Variants in TBCEL observed in about 807,000 individuals in gnomAD.
TBCEL encodes tubulin-specific chaperone cofactor E-like protein.
Under a neutral mutation model 44.2 loss-of-function variants are expected in TBCEL, and 15 were observed. The observed-to-expected ratio is 0.34, with a 90% CI of 0.23 to 0.52. The LOEUF (loss-of-function observed/expected upper bound fraction) is 0.52. TBCEL is among the 20% of genes least tolerant of loss of function. TBCEL has a pLI of 0.95. For missense variants in TBCEL, 319 were observed against 506.3 expected (o/e 0.63, Z 3.55); for synonymous variants, 171 against 185.4 (o/e 0.92, Z 0.63).
chr11:121,080,541 G>A (rs1356882798), intron 8 of TBCEL, among the ~76,000 whole-genome samples: 1 of 152,150 alleles, frequency 6.6e-6, no homozygotes, highest in Non-Finnish European at 1.5e-5. Context: ...GAAAGTCCCT[G>A]ATTCTAGACA....
intron 1 of TBCEL, among the ~76,000 whole-genome samples, chr11:121,026,325 G>T (rs1196095072): frequency 6.6e-6 from 1 of 152,160 alleles, no homozygotes; most frequent in Non-Finnish European, 1.5e-5. Context: ...ATGACTGTTG[G>T]TGAACAAAGT....
intron 1 of TBCEL, among the ~76,000 whole-genome samples, chr11:121,029,967 G>A (rs912888567): frequency 2.6e-5 from 4 of 152,162 alleles, no homozygotes; most frequent in African/African-American, 9.7e-5. Flanking sequence ...TCTTCTGCTG[G>A]AGAACAAACA....
At position 121,036,632 on chromosome 11, in the gene TBCEL, AG is replaced by A. The variant is rs1489981955; in HGVS notation, c.-18+21del. On this transcript the variant is annotated intron_variant, in intron 2 of 8. Coordinates refer to ENST00000683345, the MANE Select transcript of TBCEL (RefSeq NM_001363644.2). ...AAACAGGTACTTCAGTCTAAATAGT[AG>A]TATTGTCTTAATTTTTTTCCCCTCA... The A allele has an allele frequency of 6.6e-6, 1 of 152,178 alleles. No individual in the cohort carries two copies. The highest frequency in any genetic ancestry group is 2.4e-5 in the African/African-American group (1 of 41,438). The allele number at this position is 152,178 out of a possible 1,614,324, so 9.4% of individuals were successfully genotyped here.
At chr11:121,031,668 T>C (rs1017021622) in intron 1 of TBCEL, among the ~76,000 whole-genome samples, 4 of 144,226 alleles carry the variant, frequency 2.8e-5, no homozygotes, top group Non-Finnish European at 4.6e-5. Context: ...CTTTCTTTTT[T>C]TTTTTTTTTT....
At chr11:121,033,282 A>G (rs1188580505) in intron 1 of TBCEL, among the ~76,000 whole-genome samples, 2 of 152,226 alleles carry the variant, frequency 1.3e-5, no homozygotes, top group Non-Finnish European at 2.9e-5. Flanking sequence ...TGTGAGGATC[A>G]TATTTTCTCA....
chr11:121,085,519 T>C (rs1946200302), intron 8 of TBCEL, among the ~76,000 whole-genome samples: 1 of 152,174 alleles, frequency 6.6e-6, no homozygotes, highest in African/African-American at 2.4e-5. Context: ...ATGAGGAAAT[T>C]GAGATCCAAA....
intron 4 of TBCEL, among the ~76,000 whole-genome samples, chr11:121,050,154 G>A (rs1945504109): frequency 6.6e-6 from 1 of 151,718 alleles, no homozygotes; most frequent in Non-Finnish European, 1.5e-5. Flanking sequence ...ACAAAAGAAT[G>A]TTGATTTTTA....
At chr11:121,045,530 A>G (rs757726920) in intron 2 of TBCEL, 144 bp from the exon 3 acceptor site, 14 of 585,124 alleles carry the variant, frequency 2.4e-5, no homozygotes, top group Non-Finnish European at 3.4e-5. Flanking sequence ...TCACCACAGT[A>G]TATGTTTCTG....
In TBCEL at chr11:121,047,353, G is replaced by A. The variant is rs562818107; in HGVS notation, c.134-175G>A. Among the ~76,000 whole-genome samples the A allele has an allele frequency of 2.0e-5, 3 of 152,064 alleles. No homozygotes were observed. The South Asian group carries it at 6.2e-4, about 32-fold the overall frequency. ...TCTGAACTCCTCCTGGGCAATAACTGGCTGTCTCCTCTTAGGATTCAGTAC... is the reference window on the plus strand; with the variant it reads ...TCTGAACTCCTCCTGGGCAATAACTAGCTGTCTCCTCTTAGGATTCAGTAC... On this transcript the variant is annotated intron_variant, in intron 3 of 8. Transcript: ENST00000683345.
intron 4 of TBCEL, among the ~76,000 whole-genome samples, chr11:121,049,665 A>G (rs1042572064): frequency 6.6e-6 from 1 of 151,832 alleles, no homozygotes; most frequent in Non-Finnish European, 1.5e-5. Flanking sequence ...TGCATGCTTT[A>G]TCTGCACTTC....
chr11:121,073,906 G>A (rs1327695968), intron 8 of TBCEL, among the ~76,000 whole-genome samples: 2 of 151,800 alleles, frequency 1.3e-5, no homozygotes, highest in African/African-American at 2.4e-5. Flanking sequence ...ATTCAACTTG[G>A]TTGGGAAATA....
At chr11:121,055,996 A>T (rs550418887) in intron 6 of TBCEL, among the ~76,000 whole-genome samples, 1 of 148,000 alleles carries the variant, frequency 6.8e-6, no homozygotes, top group East Asian at 1.9e-4. Context: ...TATTGTTATC[A>T]CTCAAGTCCA....
intron 8 of TBCEL, among the ~76,000 whole-genome samples, chr11:121,081,725 A>G (rs1565507943): frequency 1.3e-5 from 2 of 152,212 alleles, no homozygotes; most frequent in Non-Finnish European, 2.9e-5. Context: ...GATTTCTTAT[A>G]TTTACTAATC....
intron 1 of TBCEL, among the ~76,000 whole-genome samples, chr11:121,025,340 A>G (rs1379860639): frequency 6.6e-6 from 1 of 152,096 alleles, no homozygotes; most frequent in African/African-American, 2.4e-5. Flanking sequence ...GACTAAGGAA[A>G]ACATTCACTC....
intron 1 of TBCEL, among the ~76,000 whole-genome samples, chr11:121,025,891 AT>A (rs59452637): frequency 0.18 from 27,087 of 151,808 alleles, 2,520 homozygotes; most frequent in East Asian, 0.33. Flanking sequence ...GATTGATGAA[AT>A]TTTTTGTATG....
intron 8 of TBCEL, among the ~76,000 whole-genome samples, chr11:121,071,857 C>T (rs993186300): frequency 6.6e-6 from 1 of 152,096 alleles, no homozygotes; most frequent in Non-Finnish European, 1.5e-5. Context: ...GTGCTGTGTC[C>T]GTTACCTCAT....
At position 121,053,650 on chromosome 11, in the gene TBCEL, T is replaced by C. The variant is rs1330348752; in HGVS notation, c.373T>C (p.Phe125Leu). The change falls in exon 5 of 9, where the codon TTC becomes CTC. Residue 125 changes from phenylalanine to leucine, a missense_variant. By Grantham distance (22) the Phe-to-Leu change is conservative (BLOSUM62 0). Coordinates refer to ENST00000683345, the MANE Select transcript of TBCEL (RefSeq NM_001363644.2). ...SVLERTCAGSFSGVRKLVLNN... is the reference protein window; with the variant it reads ...SVLERTCAGSLSGVRKLVLNN... The stretch of plus-strand genomic sequence containing the variant: ...TTTAGAAAGAACATGTGCTGGGTCC[T>C]TCTCTGGGGTTCGCAAACTTGTCCT... 2.5e-6 allele frequency: 4 copies of C among 1,612,468 alleles called. No homozygotes were observed. In the Admixed American group the frequency reaches 6.7e-5, roughly 27 times the overall value.
At chr11:121,055,933 A>G (rs1025415748) in intron 6 of TBCEL, among the ~76,000 whole-genome samples, 2 of 151,688 alleles carry the variant, frequency 1.3e-5, no homozygotes, top group Non-Finnish European at 2.9e-5. Context: ...GTACATAGCA[A>G]ATGGTACAAA....
At position 121,055,096 on chromosome 11, in the gene TBCEL, C is replaced by T. The variant is rs1945596473; in HGVS notation, c.500C>T (p.Ser167Phe). 1 of 1,599,982 alleles carries T rather than the reference C, an allele frequency of 6.3e-7. No homozygotes were observed. The change falls in exon 6 of 9, where the codon TCT (serine) becomes TTT (phenylalanine). Residue 167 changes from serine to phenylalanine, a missense_variant. Physicochemically the swap from Ser to Phe is radical, Grantham distance 155. Coordinates refer to ENST00000683345, the MANE Select transcript of TBCEL (RefSeq NM_001363644.2). ...FLCLNDYETV[S>F]CPSICCHSLK... is the part of the protein sequence containing the mutation. ...TGCCTTAATGACTATGAAACAGTGT[C>T]TTGTCCTTCTATTTGCTGTCATTCT... is the stretch of plus-strand genomic sequence containing the variant.
Sources: allele counts gnomAD v4.1 joint callset (sites outside exome capture counted in the v4.1 genomes callset), GRCh38; gene constraint gnomAD v4.1.1; transcripts MANE v1.5; gene names NCBI Gene and HGNC (gene_info 2026-07-23, HGNC 2026-07-21).